The following MAD2L2 variants were observed in gnomAD, a reference collection of about 807,000 sequenced individuals.
MAD2L2 encodes the protein mitotic arrest deficient 2 like 2.
Under a neutral mutation model 30.5 loss-of-function variants are expected in MAD2L2, and 17 were observed. The ratio of observed to expected loss-of-function variants is 0.56; its 90% CI spans 0.38 to 0.84. The LOEUF (loss-of-function observed/expected upper bound fraction) is 0.84. Among genes scored for constraint, MAD2L2 ranks in the 40% least tolerant of loss-of-function variants. The pLI is 0.00. For missense variants in MAD2L2, 213 were observed against 277.4 expected (o/e 0.77, Z 1.65); for synonymous variants, 101 against 113.9 (o/e 0.89, Z 0.72).
In MAD2L2 at chr1:11,676,086, C is replaced by T; in HGVS notation, c.387G>A (p.Lys129=). 1 of 1,612,658 alleles carries T rather than the reference C, an allele frequency of 6.2e-7. No individual in the cohort carries two copies. Among genetic ancestry groups the T allele is most frequent in the Non-Finnish European group, 8.5e-7 (1 of 1,179,174 alleles). The change falls in exon 6 of 9, where the codon AAG becomes AAA. Residue 129 remains lysine (K), a synonymous_variant. Transcript: ENST00000376692. ...VEQLLRAFIL[K]ISVCDAVLDH... ...CCAGGACGGCATCGCACACGCTGAT[C>T]TTCAGGATGAAGGCCCGGAGCAGCT...
At chr1:11,675,289 G>A (rs765333136) in intron 7 of MAD2L2, 115 bp from the exon 8 acceptor site, 5 of 688,506 alleles carry the variant, frequency 7.3e-6, no homozygotes, top group Non-Finnish European at 1.2e-5. Flanking sequence ...AGAATCACTA[G>A]GAAGCTGTTG....
At position 11,674,548 on chromosome 1, in the gene MAD2L2, G is replaced by A; in HGVS notation, c.*227C>T. On this transcript the variant is annotated 3_prime_UTR_variant, in exon 9 of 9. Coordinates refer to ENST00000376692, the MANE Select transcript of MAD2L2 (RefSeq NM_006341.4). This position sits in a 1 kb window ranked among gnomAD's most constrained non-coding sequence, Gnocchi z 6.1. The stretch of plus-strand genomic sequence containing the variant: ...ACAGTATTTGAGACAGACAGTGTTG[G>A]CCGGCGGAACCCCAGGAGGCTGAGA... 1.8e-6 allele frequency: 1 copy of A among 552,996 alleles called. No homozygotes were observed. The allele number at this position is 552,996 out of a possible 1,614,324, so 34.3% of individuals were successfully genotyped here.
chr1:11,676,883 G>A lies in MAD2L2; in HGVS notation c.297C>T (p.Val99=). The change falls in exon 5 of 9, where the codon GTC becomes GTT. Residue 99 remains valine (V), a synonymous_variant. Transcript: ENST00000376692. ...DKEHRPVEKF[V]FEITQPPLLS... is the part of the protein sequence containing the mutation. ...GCAGTGGAGGCTGGGTGATCTCAAA[G>A]ACGAATTTCTCCACTGGGCGGTGCT... 6.2e-7 allele frequency: 1 copy of A among 1,614,138 alleles called. No homozygotes were observed. The highest frequency in any genetic ancestry group is 8.5e-7 in the Non-Finnish European group (1 of 1,179,998).
At chr1:11,691,694 A>C (rs1424182378), upstream of MAD2L2, 33 of 31,468 alleles carry the variant, frequency 1.0e-3, no homozygotes, top group Admixed American at 1.3e-3. Flanking sequence ...CTGCCCGCCC[A>C]CTCCCCCTTC....
upstream of MAD2L2, among the ~76,000 whole-genome samples, chr1:11,684,126 C>T (rs992549390): frequency 2.9e-4 from 43 of 150,822 alleles, 1 homozygote; most frequent in Admixed American, 2.1e-3. Context: ...ATGAACAGGC[C>T]AGATAGATGT....
At chr1:11,682,371 T>C (rs553279695), upstream of MAD2L2, among the ~76,000 whole-genome samples, 2 of 152,272 alleles carry the variant, frequency 1.3e-5, no homozygotes, top group South Asian at 4.1e-4. Context: ...AGCTTGTTAG[T>C]CCCATCCGTC....
upstream of MAD2L2, chr1:11,681,524 A>G (rs1236279900): frequency 2.0e-5 from 3 of 152,214 alleles, no homozygotes; most frequent in African/African-American, 7.2e-5. Context: ...GCAGCTGCCC[A>G]CGCAAAAGCG....
At position 11,688,899 on chromosome 1, in the gene MAD2L2, C is replaced by T. The variant is rs181862780; in HGVS notation, c.-692+2514G>A. On this transcript the variant is annotated intron_variant, in intron 1 of 10. Coordinates refer to the MAD2L2 transcript ENST00000235310. This position sits in a 1 kb window ranked among gnomAD's most constrained non-coding sequence, Gnocchi z 4.6. Reference sequence around the variant, plus strand: ...AAACCCACCAAAAGCAAGATGGCCACGAGACCAACCTCTGGTCATCCTCAC... The same window carrying T: ...AAACCCACCAAAAGCAAGATGGCCATGAGACCAACCTCTGGTCATCCTCAC... 2.5e-4 allele frequency among the ~76,000 whole-genome samples: 38 copies of T among 152,314 alleles called. No individual in the cohort carries two copies. Among genetic ancestry groups the T allele is most frequent in the Admixed American group, 2.0e-3 (31 of 15,294 alleles).
In MAD2L2 at chr1:11,688,329, G is replaced by A. The variant is rs1234051485; in HGVS notation, c.-692+3084C>T. Among the ~76,000 whole-genome samples the A allele has an allele frequency of 6.6e-6, 1 of 152,180 alleles. No individual in the cohort carries two copies. Among genetic ancestry groups the A allele is most frequent in the Admixed American group, 6.5e-5 (1 of 15,274 alleles). ...AATCCCAGAACTTTGGGAGGCCGAG[G>A]CTGGCGAATCACCTGAGGTCAGGAT... is the stretch of plus-strand genomic sequence containing the variant. On this transcript the variant is annotated intron_variant, in intron 1 of 10. Transcript: ENST00000235310. This position sits in a 1 kb window ranked among gnomAD's most constrained non-coding sequence, Gnocchi z 4.6.
In MAD2L2 at chr1:11,674,790, A is replaced by G. The variant is rs776909217; in HGVS notation, c.621T>C (p.Ala207=). The change falls in exon 9 of 9, where the codon GCT becomes GCC. Residue 207 remains alanine (A), a synonymous_variant. Transcript: ENST00000376692. The surrounding 1 kb of genome is among the most constrained non-coding windows in gnomAD (Gnocchi z 6.1). ...AGGTGCCCCCTCAGCTGCCTTTATG[A>G]GCGCGCTCTTCCACGTAAAGCTGCA... The part of the protein sequence containing the change: ...LKMQLYVEER[A]HKGS 2.5e-6 allele frequency: 4 copies of G among 1,613,538 alleles called. No homozygotes were observed. In the Admixed American group the frequency reaches 5.0e-5, roughly 20 times the overall value.
At chr1:11,677,138 T>C (rs546968703) in intron 4 of MAD2L2, 190 bp from the exon 5 acceptor site, 3 of 634,568 alleles carry the variant, frequency 4.7e-6, no homozygotes, top group African/African-American at 3.7e-5. Context: ...ATGAGTGGTG[T>C]AGGCTGAGAG....
At chr1:11,691,220 C>T (rs1270284376) in intron 1 of MAD2L2, among the ~76,000 whole-genome samples, 1 of 152,158 alleles carries the variant, frequency 6.6e-6, no homozygotes, top group Non-Finnish European at 1.5e-5. Context: ...CTTTTGTGGC[C>T]CCGGGCCCCT....
intron 3 of MAD2L2, among the ~76,000 whole-genome samples, chr1:11,679,634 C>A (rs571220916): frequency 6.6e-6 from 1 of 151,244 alleles, no homozygotes; most frequent in Non-Finnish European, 1.5e-5. Context: ...TCAAGCGAGT[C>A]TCCTGCCTCA....
At position 11,688,471 on chromosome 1, in the gene MAD2L2, G is replaced by A. The variant is rs370055486; in HGVS notation, c.-692+2942C>T. Among the ~76,000 whole-genome samples the A allele has an allele frequency of 1.4e-4, 22 of 152,174 alleles. 3 individuals carry two copies. Among genetic ancestry groups the A allele is most frequent in the East Asian group, 1.9e-4 (1 of 5,180 alleles). The stretch of plus-strand genomic sequence containing the variant: ...AGCTACTCAGGAAGCTGAGGCAGGC[G>A]AATCGCTTGAACTTGGGAGGCAGAG... On this transcript the variant is annotated intron_variant, in intron 1 of 10. Coordinates refer to the MAD2L2 transcript ENST00000235310. The surrounding 1 kb of genome is among the most constrained non-coding windows in gnomAD (Gnocchi z 4.6).
upstream of MAD2L2, among the ~76,000 whole-genome samples, chr1:11,683,521 A>C (rs1371414258): frequency 6.8e-6 from 1 of 147,630 alleles, no homozygotes; most frequent in Non-Finnish European, 1.5e-5. Context: ...CTCGGGGGGA[A>C]GGAAGGGTGG....
At position 11,674,745 on chromosome 1, in the gene MAD2L2, T is replaced by A; in HGVS notation, c.*30A>T. Reference sequence around the variant, plus strand: ...CGGGGATCCCCCAAAGTCTGACAGTTTGGGCATCAGTGGGGTGGCAGGTGC... The same window carrying A: ...CGGGGATCCCCCAAAGTCTGACAGTATGGGCATCAGTGGGGTGGCAGGTGC... On this transcript the variant is annotated 3_prime_UTR_variant, in exon 9 of 9. Transcript: ENST00000376692. This position sits in a 1 kb window ranked among gnomAD's most constrained non-coding sequence, Gnocchi z 6.1. The A allele has an allele frequency of 1.2e-6, 2 of 1,612,190 alleles. No homozygotes were observed. Among genetic ancestry groups the A allele is most frequent in the Non-Finnish European group, 1.7e-6 (2 of 1,178,812 alleles).
In MAD2L2 at chr1:11,676,074, G is replaced by A. The variant is rs2233020; in HGVS notation, c.399C>T (p.Cys133=). 3,636 of 1,613,058 alleles carry A rather than the reference G, an allele frequency of 2.3e-3. 62 individuals carry two copies. The African/African-American group carries it at 0.041, about 18-fold the overall frequency. ...LRAFILKISV[C]DAVLDHNPPG... ...GGGGGTTGTGGTCCAGGACGGCATCGCACACGCTGATCTTCAGGATGAAGG... is the reference window on the plus strand; with the variant it reads ...GGGGGTTGTGGTCCAGGACGGCATCACACACGCTGATCTTCAGGATGAAGG... Residue 133 remains cysteine (C), a synonymous_variant, in exon 6 of 9, where the codon TGC becomes TGT. Transcript: ENST00000376692.
At chr1:11,689,023 C>A (rs1369953077) in intron 1 of MAD2L2, among the ~76,000 whole-genome samples, 1 of 152,186 alleles carries the variant, frequency 6.6e-6, no homozygotes, top group Admixed American at 6.5e-5. Context: ...AGGCCAGGCA[C>A]ACTGGCTTAC....
intron 3 of MAD2L2, among the ~76,000 whole-genome samples, chr1:11,680,121 G>A (rs545392802): frequency 6.7e-6 from 1 of 148,574 alleles, no homozygotes; most frequent in African/African-American, 2.5e-5. Context: ...TCAGCCTCCT[G>A]AGTAGCTGGG....
Sources: allele counts gnomAD v4.1 joint callset (sites outside exome capture counted in the v4.1 genomes callset), GRCh38; gene constraint gnomAD v4.1.1; non-coding constraint Gnocchi (gnomAD v3.1); transcripts MANE v1.5; gene names NCBI Gene and HGNC (gene_info 2026-07-23, HGNC 2026-07-21).